The following PI4KB variants were observed in gnomAD, a reference collection of about 807,000 sequenced individuals.
PI4KB encodes phosphatidylinositol 4-kinase beta.
A neutral mutation model predicts 81.4 loss-of-function variants in PI4KB; 23 were observed. That is an observed-to-expected ratio of 0.28 (90% CI 0.20 to 0.40). The LOEUF (loss-of-function observed/expected upper bound fraction) is 0.40. PI4KB is among the 10% of genes least tolerant of loss of function. PI4KB has a pLI of 1.00. For missense variants in PI4KB, 651 were observed against 1,036.6 expected (o/e 0.63, Z 5.11); for synonymous variants, 381 against 406.8 (o/e 0.94, Z 0.76).
Position 151,306,204 on chromosome 1 carries a change from T to G in PI4KB, c.1342A>C (p.Thr448Pro), listed in dbSNP as rs1695741298. 1 of 1,614,092 alleles carries G rather than the reference T, an allele frequency of 6.2e-7. No homozygotes were observed. Among genetic ancestry groups the G allele is most frequent in the Admixed American group, 1.7e-5 (1 of 60,002 alleles). The change falls in exon 5 of 12, where the codon ACT (threonine) becomes CCT (proline). Residue 448 changes from threonine (T) to proline (P), a missense_variant. Coordinates refer to ENST00000368873, the MANE Select transcript of PI4KB (RefSeq NM_001369623.2). ...TCATCGTTGTCATAGTTGGGCACAG[T>G]GCTGAAGCTGCCAGCTCGCTGCTCA... ...THEQRAGSFSTVPNYDNDDEA... is the reference protein window; with the variant it reads ...THEQRAGSFSPVPNYDNDDEA...
rs768238259 is a variant in PI4KB at position 151,310,201 on chromosome 1, C to T, written c.954+10G>A. ...AGCCTGCCACCCCGTCCCAGCCTGGCCCCACTTACGGAACTGAATGAATTA... is the reference window on the plus strand; with the variant it reads ...AGCCTGCCACCCCGTCCCAGCCTGGTCCCACTTACGGAACTGAATGAATTA... On this transcript the variant is annotated intron_variant, in intron 3 of 11. Coordinates refer to ENST00000368873, the MANE Select transcript of PI4KB (RefSeq NM_001369623.2). 1.2e-6 allele frequency: 2 copies of T among 1,605,722 alleles called. No homozygotes were observed. The highest frequency in any genetic ancestry group is 1.1e-5 in the South Asian group (1 of 89,784).
At chr1:151,322,299 C>A (rs1034213741) in intron 1 of PI4KB, among the ~76,000 whole-genome samples, 1 of 152,178 alleles carries the variant, frequency 6.6e-6, no homozygotes, top group Non-Finnish European at 1.5e-5. Context: ...GGAGAAGACA[C>A]AGAAGATATA....
intron 2 of PI4KB, among the ~76,000 whole-genome samples, chr1:151,312,730 G>C (rs919020745): frequency 6.6e-6 from 1 of 152,250 alleles, no homozygotes; most frequent in Non-Finnish European, 1.5e-5. Flanking sequence ...AAATGCCAAA[G>C]GGGCTGGGTC....
intron 9 of PI4KB, among the ~76,000 whole-genome samples, chr1:151,297,737 C>G (rs1694932439): frequency 6.6e-6 from 1 of 152,086 alleles, no homozygotes; most frequent in African/African-American, 2.4e-5. Context: ...TGGGGTTTCA[C>G]CATGTTGGCC....
At chr1:151,299,864 C>G (rs1404339380) in intron 8 of PI4KB, among the ~76,000 whole-genome samples, 1 of 151,980 alleles carries the variant, frequency 6.6e-6, no homozygotes, top group Non-Finnish European at 1.5e-5. Context: ...TGCTACAGAC[C>G]AATTTGGGAA....
Position 151,303,559 on chromosome 1 carries a change from A to G in PI4KB, c.1502T>C (p.Ile501Thr), listed in dbSNP as rs1253608770. ...GCCATACCGGATGTCCCCTGCTGCA[A>G]TGAACACAGGCTCCTTGCTCTCCTG... is the stretch of plus-strand genomic sequence containing the variant. ...TSQESKEPVFIAAGDIRRRLS... is the reference protein window; with the variant it reads ...TSQESKEPVFTAAGDIRRRLS... Residue 501 changes from isoleucine to threonine, a missense_variant, in exon 6 of 12, where the codon ATT becomes ACT. Ile to Thr is a moderately conservative substitution (Grantham distance 89). Around this residue, in one of 5 missense-constraint regions of PI4KB, gnomAD observed 246 missense variants for 430.1 expected, o/e 0.57. Transcript: ENST00000368873. The G allele has an allele frequency of 6.2e-7, 1 of 1,612,240 alleles. No individual in the cohort carries two copies. The highest frequency in any genetic ancestry group is 8.5e-7 in the Non-Finnish European group (1 of 1,178,268).
At chr1:151,295,995 C>G (rs1694757938) in intron 9 of PI4KB, among the ~76,000 whole-genome samples, 1 of 152,200 alleles carries the variant, frequency 6.6e-6, no homozygotes, top group South Asian at 2.1e-4. Context: ...CCTGTAATCC[C>G]AGCACTTTGG....
Position 151,307,697 on chromosome 1 carries a change from G to A in PI4KB, c.1059C>T (p.Ile353=), listed in dbSNP as rs764439065. ...TATGGTTGAGCAGGGAGAGCTCTGA[G>A]ATCAGCCTCTGTGTTTTCTGCTCTT... ...PTKEQKTQRL[I]SELSLLNHKL... Residue 353 remains isoleucine, a synonymous_variant, in exon 4 of 12, where the codon ATC becomes ATT. Transcript: ENST00000368873. 5.6e-6 allele frequency: 9 copies of A among 1,614,190 alleles called. No individual in the cohort carries two copies. The Admixed American group carries it at 1.3e-4, about 24-fold the overall frequency.
At chr1:151,318,448 C>A (rs375722310) in intron 1 of PI4KB, among the ~76,000 whole-genome samples, 6 of 149,092 alleles carry the variant, frequency 4.0e-5, no homozygotes, top group South Asian at 4.2e-4. Context: ...CGCGGTGGCT[C>A]ACGCCTGTAA....
At chr1:151,327,696 A>C, upstream of PI4KB, 1 of 288,504 alleles carries the variant, frequency 3.5e-6, no homozygotes, top group Non-Finnish European at 6.3e-6. Flanking sequence ...GCCTGTTCAG[A>C]AATAGAAAAG....
intron 3 of PI4KB, 72 bp from the exon 4 acceptor site, chr1:151,307,873 C>CTCCTGGCCATGCAGG: frequency 8.4e-7 from 1 of 1,192,558 alleles, no homozygotes; most frequent in Admixed American, 1.8e-5. Context: ...CACTCAGTCA[C>CTCCTGGCCATGCAGG]TCCTGGCCAT....
At chr1:151,306,089 G>T in intron 5 of PI4KB, 47 bp downstream of exon 5, 1 of 1,473,832 alleles carries the variant, frequency 6.8e-7, no homozygotes, top group Non-Finnish European at 9.5e-7. Context: ...GAAAGCTCCT[G>T]GAGAAAGCTC....
chr1:151,294,660 C>CT (rs1694640441), intron 9 of PI4KB, 119 bp from the exon 10 acceptor site: 1 of 827,212 alleles, frequency 1.2e-6, no homozygotes, highest in South Asian at 1.6e-5. Context: ...GCCATGTTTC[C>CT]TGCTGCCCGT....
At chr1:151,303,281 G>A in intron 6 of PI4KB, 1 of 391,424 alleles carries the variant, frequency 2.6e-6, no homozygotes, top group East Asian at 5.3e-5. Flanking sequence ...TTACAGGTGT[G>A]AGCCACTATG....
chr1:151,307,295 T>C (rs1202794948), intron 4 of PI4KB, among the ~76,000 whole-genome samples: 1 of 152,010 alleles, frequency 6.6e-6, no homozygotes, highest in Non-Finnish European at 1.5e-5. Flanking sequence ...AAAATGACCA[T>C]AAGGTGGGGT....
At chr1:151,312,619 T>A (rs1481920946) in intron 2 of PI4KB, among the ~76,000 whole-genome samples, 1 of 152,094 alleles carries the variant, frequency 6.6e-6, no homozygotes, top group Non-Finnish European at 1.5e-5. Context: ...TAACTACATG[T>A]TGAGTGAATG....
At chr1:151,319,293 C>CA (rs535069823) in intron 1 of PI4KB, among the ~76,000 whole-genome samples, 2,942 of 109,666 alleles carry the variant, frequency 0.027, 61 homozygotes, top group African/African-American at 0.069. Context: ...GACTCTGTCT[C>CA]AAAAAAAAAA....
chr1:151,324,580 T>C (rs1649350897), intron 1 of PI4KB, among the ~76,000 whole-genome samples: 2 of 151,896 alleles, frequency 1.3e-5, no homozygotes, highest in African/African-American at 4.8e-5. Flanking sequence ...AGCACGAGGG[T>C]AGGGAGGGCA....
At position 151,321,011 on chromosome 1, in the gene PI4KB, T is replaced by C. The variant is rs77740283; in HGVS notation, c.-28-4502A>G. Among the ~76,000 whole-genome samples the C allele has an allele frequency of 1.1e-3, 170 of 152,378 alleles. 1 individual carries two copies. The highest frequency in any genetic ancestry group is 2.1e-3 in the Non-Finnish European group (143 of 68,040). ...CCCCAATTAACTACGATTGGGATTATTACTGGCACCAGGAAGGCAAATAAG... is the reference window on the plus strand; with the variant it reads ...CCCCAATTAACTACGATTGGGATTACTACTGGCACCAGGAAGGCAAATAAG... On this transcript the variant is annotated intron_variant, in intron 1 of 11. Coordinates refer to ENST00000368873, the MANE Select transcript of PI4KB (RefSeq NM_001369623.2).
Sources: allele counts gnomAD v4.1 joint callset (sites outside exome capture counted in the v4.1 genomes callset), GRCh38; gene constraint gnomAD v4.1.1; regional missense constraint gnomAD v4.1.1; transcripts MANE v1.5; gene names NCBI Gene and HGNC (gene_info 2026-07-23, HGNC 2026-07-21).